Variants in SCHIP1 observed in about 807,000 individuals in gnomAD.
SCHIP1 encodes the protein schwannomin-interacting protein 1.
In SCHIP1, 8 loss-of-function variants were observed where a neutral mutation model predicts 29.7. The ratio of observed to expected loss-of-function variants is 0.27; its 90% CI spans 0.16 to 0.49. SCHIP1 has a LOEUF of 0.49. Ranked by LOEUF, SCHIP1 falls within the 20% of genes least tolerant of loss-of-function variation. The probability of loss-of-function intolerance (pLI) is 0.99; values close to 1 mark genes in which losing one functional copy is unlikely to be tolerated. For synonymous variants in SCHIP1, 76 were observed against 94.9 expected (o/e 0.80, Z 1.16); for missense variants, 193 against 294.6 (o/e 0.66, Z 2.52).
chr3:159,798,948 C>T, the SCHIP1 span, among the ~76,000 whole-genome samples: 5 of 152,088 alleles, frequency 3.3e-5, no homozygotes, highest in Non-Finnish European at 7.4e-5. Context: ...ATTTCTTGAA[C>T]TTTTGCTTTT....
chr3:159,753,331 A>AACATCT, the SCHIP1 span, among the ~76,000 whole-genome samples: 10 of 152,232 alleles, frequency 6.6e-5, no homozygotes, highest in Non-Finnish European at 1.5e-4. Context: ...CATCTTAGAT[A>AACATCT]TAGAACGTCC....
the SCHIP1 span, among the ~76,000 whole-genome samples, chr3:159,820,112 C>T: frequency 1.3e-5 from 2 of 152,152 alleles, no homozygotes; most frequent in Non-Finnish European, 2.9e-5. Context: ...GGCTCACACA[C>T]CTGGCAACCA....
intron 1 of SCHIP1, among the ~76,000 whole-genome samples, chr3:159,854,045 A>G (rs1172544051): frequency 1.3e-5 from 2 of 152,214 alleles, no homozygotes; most frequent in Non-Finnish European, 2.9e-5. Context: ...ATGAAATTAA[A>G]CTACAAGTAT....
At chr3:159,559,949 T>C in the SCHIP1 span, among the ~76,000 whole-genome samples, 3 of 152,238 alleles carry the variant, frequency 2.0e-5, no homozygotes, top group African/African-American at 7.2e-5. Context: ...AGAATTATTC[T>C]ATTGCATAAG....
the SCHIP1 span, among the ~76,000 whole-genome samples, chr3:159,465,485 G>T: frequency 3.3e-5 from 5 of 151,964 alleles, no homozygotes; most frequent in Non-Finnish European, 5.9e-5. Context: ...GATAATATGT[G>T]GCTATGTGGT....
chr3:159,734,686 T>C, the SCHIP1 span, among the ~76,000 whole-genome samples: 3 of 152,134 alleles, frequency 2.0e-5, no homozygotes, highest in South Asian at 6.2e-4. Context: ...GTCTAAACTT[T>C]AGCTTTCTTA....
At chr3:159,404,208 C>A in the SCHIP1 span, among the ~76,000 whole-genome samples, 1 of 152,046 alleles carries the variant, frequency 6.6e-6, no homozygotes, top group Admixed American at 6.5e-5. Flanking sequence ...ACATTCCTAG[C>A]TTTAGTGGCT....
the SCHIP1 span, among the ~76,000 whole-genome samples, chr3:159,289,578 G>A: frequency 6.6e-6 from 1 of 152,082 alleles, no homozygotes; most frequent in Non-Finnish European, 1.5e-5. Flanking sequence ...CTCTCAAACT[G>A]CATGCTAGTG....
the SCHIP1 span, among the ~76,000 whole-genome samples, chr3:159,591,989 CA>C: frequency 3.1e-3 from 375 of 120,698 alleles, 1 homozygote; most frequent in Middle Eastern, 3.9e-3. Flanking sequence ...AGAAGACCCT[CA>C]AAAAAAAAAA....
the SCHIP1 span, among the ~76,000 whole-genome samples, chr3:159,347,210 G>A: frequency 1.9e-4 from 29 of 152,320 alleles, no homozygotes; most frequent in African/African-American, 6.3e-4. Context: ...TATGACCACA[G>A]TAGGAGAAAA....
the SCHIP1 span, among the ~76,000 whole-genome samples, chr3:159,630,390 C>T: frequency 6.6e-6 from 1 of 152,162 alleles, no homozygotes; most frequent in East Asian, 1.9e-4. Context: ...TATAGCAGCA[C>T]AATTCACAAT....
At chr3:159,695,910 T>C in the SCHIP1 span, among the ~76,000 whole-genome samples, 1 of 152,142 alleles carries the variant, frequency 6.6e-6, no homozygotes, top group African/African-American at 2.4e-5. Context: ...CCTTATGGGC[T>C]TATCTTCACT....
the SCHIP1 span, among the ~76,000 whole-genome samples, chr3:159,681,970 G>T: frequency 6.6e-6 from 1 of 152,148 alleles, no homozygotes; most frequent in Non-Finnish European, 1.5e-5. Context: ...GTTAGCTTGG[G>T]TTAACTCAAC....
the SCHIP1 span, among the ~76,000 whole-genome samples, chr3:159,811,765 A>G: frequency 2.0e-5 from 3 of 152,110 alleles, no homozygotes; most frequent in Non-Finnish European, 2.9e-5. Flanking sequence ...TTGCTTTTCT[A>G]GGTCCTTTGC....
At chr3:159,402,900 G>A in the SCHIP1 span, among the ~76,000 whole-genome samples, 1 of 152,064 alleles carries the variant, frequency 6.6e-6, no homozygotes, top group South Asian at 2.1e-4. Context: ...CCTGCATGTT[G>A]TGCACAGGTC....
At chr3:159,600,854 T>A in the SCHIP1 span, among the ~76,000 whole-genome samples, 1 of 152,222 alleles carries the variant, frequency 6.6e-6, no homozygotes, top group East Asian at 1.9e-4. Flanking sequence ...ATATCTGTGA[T>A]GTTGGTTGGG....
intron 1 of SCHIP1, chr3:159,853,376 AAG>A (rs2109120632): frequency 2.9e-6 from 2 of 690,704 alleles, no homozygotes; most frequent in East Asian, 5.5e-5. Flanking sequence ...TAAAGAGTTA[AAG>A]GATGAATTTG....
the SCHIP1 span, among the ~76,000 whole-genome samples, chr3:159,435,344 A>G: frequency 6.6e-6 from 1 of 152,130 alleles, no homozygotes; most frequent in Non-Finnish European, 1.5e-5. Context: ...TCTTTACACA[A>G]TTCTGCTATC....
At chr3:159,673,912 C>T in the SCHIP1 span, among the ~76,000 whole-genome samples, 6 of 152,172 alleles carry the variant, frequency 3.9e-5, no homozygotes, top group East Asian at 3.8e-4. Flanking sequence ...ACAAGCCAGT[C>T]GCTGCCATCA....
Sources: gnomAD v4.1 joint callset for allele counts (sites outside exome capture counted in the v4.1 genomes callset) on GRCh38, gnomAD v4.1.1 for gene constraint, MANE v1.5 for transcripts, NCBI Gene and HGNC (gene_info 2026-07-23, HGNC 2026-07-21) for gene names.